FAM237A: variants seen among roughly 807,000 people sequenced by gnomAD.
FAM237A encodes the protein family with sequence similarity 237 member A.
In FAM237A, 14 loss-of-function variants were observed where a neutral mutation model predicts 12.5. The ratio of observed to expected loss-of-function variants is 1.12; its 90% CI spans 0.74 to 1.75. FAM237A has a LOEUF of 1.75. Ranked by LOEUF, FAM237A falls within the 40% of genes most tolerant of loss-of-function variation. The pLI, the probability that FAM237A is intolerant of heterozygous loss-of-function variation, is 0.00. For missense variants in FAM237A, 240 were observed against 211.7 expected (o/e 1.13, Z -0.83); for synonymous variants, 85 against 77.5 (o/e 1.10, Z -0.51).
In FAM237A at chr2:206,649,251, T is replaced by C. The variant is rs1268875583; in HGVS notation, c.*457T>C. ...CTGACAATCTATGATATCTGAATCT[T>C]GTTTGACAGCATATTTTTGAATACT... On this transcript the variant is annotated 3_prime_UTR_variant, in exon 3 of 3. Coordinates refer to ENST00000441223, the MANE Select transcript of FAM237A (RefSeq NM_001102659.3). Among the ~76,000 whole-genome samples the C allele has an allele frequency of 6.6e-6, 1 of 152,184 alleles. No individual in the cohort carries two copies. The highest frequency in any genetic ancestry group is 1.5e-5 in the Non-Finnish European group (1 of 68,006).
At chr2:206,648,601 T>C in intron 2 of FAM237A, 60 bp from the exon 3 acceptor site, 1 of 1,481,526 alleles carries the variant, frequency 6.7e-7, no homozygotes, top group Non-Finnish European at 9.0e-7. Context: ...AATTTATTGA[T>C]ATTTAATTAA....
chr2:206,644,235 C>A lies in FAM237A; in HGVS notation c.-2C>A, dbSNP rs774742198. ...ATTTCCATCCTGTGCAGTTTTAGGG[C>A]CATGGCTGATCCTGGGAACAGAGGA... On this transcript the variant is annotated 5_prime_UTR_variant, in exon 2 of 3. Coordinates refer to ENST00000441223, the MANE Select transcript of FAM237A (RefSeq NM_001102659.3). The A allele has an allele frequency of 1.9e-6, 3 of 1,592,712 alleles. No individual in the cohort carries two copies. The highest frequency in any genetic ancestry group is 2.6e-6 in the Non-Finnish European group (3 of 1,169,396).
rs775865167 is a variant in FAM237A, at chr2:206,649,085, T to C, written c.*291T>C. ...AGGATTCTTTGTATTCATTTAATAGTTCATTTTGGGATGCTTGACATGTTA... is the reference window on the plus strand; with the variant it reads ...AGGATTCTTTGTATTCATTTAATAGCTCATTTTGGGATGCTTGACATGTTA... On this transcript the variant is annotated 3_prime_UTR_variant, in exon 3 of 3. Coordinates refer to ENST00000441223, the MANE Select transcript of FAM237A (RefSeq NM_001102659.3). The C allele has an allele frequency of 1.1e-4, 19 of 166,910 alleles. No individual in the cohort carries two copies. Among genetic ancestry groups the C allele is most frequent in the Non-Finnish European group, 1.9e-4 (15 of 78,480 alleles). 10.3% of individuals were successfully genotyped at this position (166,910 alleles called of 1,614,324 possible).
In FAM237A at chr2:206,642,800, G is replaced by T. The variant is rs960750154; in HGVS notation, c.-11+218G>T. Among the ~76,000 whole-genome samples the T allele has an allele frequency of 3.3e-5, 5 of 152,224 alleles. No homozygotes were observed. Among genetic ancestry groups the T allele is most frequent in the African/African-American group, 1.2e-4 (5 of 41,460 alleles). ...ACCTAAAGGAGCCAATTTGAGCGCC[G>T]TGGCGCCAGCAGACAGGGAGTCCCG... On this transcript the variant is annotated intron_variant, in intron 1 of 2. Coordinates refer to ENST00000441223, the MANE Select transcript of FAM237A (RefSeq NM_001102659.3). This position sits in a 1 kb window ranked among gnomAD's most constrained non-coding sequence, Gnocchi z 5.1.
Position 206,648,758 on chromosome 2 carries a change from C to A in FAM237A, c.510C>A (p.Val170=). The A allele has an allele frequency of 6.5e-7, 1 of 1,546,370 alleles. No homozygotes were observed. Among genetic ancestry groups the A allele is most frequent in the South Asian group, 1.2e-5 (1 of 81,262 alleles). The change falls in exon 3 of 3, where the codon GTC becomes GTA. Residue 170 remains valine (V), a synonymous_variant. Transcript: ENST00000441223. The stretch of plus-strand genomic sequence containing the variant: ...ATGTGCGTAGGAGTGGGTCTAGTGT[C>A]ATTGGAAAAGTGAACCTGGAAATAA... The part of the protein sequence containing the change: ...SMHVRRSGSS[V]IGKVNLEIKR...
intron 2 of FAM237A, among the ~76,000 whole-genome samples, chr2:206,645,172 G>C (rs186043113): frequency 6.6e-6 from 1 of 152,180 alleles, no homozygotes; most frequent in Middle Eastern, 3.2e-3. Context: ...GAGTAAAAAA[G>C]TCAGCTGGCA....
Position 206,646,261 on chromosome 2 carries a change from C to T in FAM237A, c.412+1613C>T, listed in dbSNP as rs182666038. 7.1e-3 allele frequency among the ~76,000 whole-genome samples: 1,060 copies of T among 150,236 alleles called. 6 individuals carry two copies. The highest frequency in any genetic ancestry group is 0.013 in the Non-Finnish European group (860 of 67,002). On this transcript the variant is annotated intron_variant, in intron 2 of 2. Coordinates refer to ENST00000441223, the MANE Select transcript of FAM237A (RefSeq NM_001102659.3). ...GAGCTTGCAGTGAGCCGAGATCGCA[C>T]CACTGCACTCCAGACTGGGTGACAG...
intron 2 of FAM237A, among the ~76,000 whole-genome samples, chr2:206,646,230 G>C (rs1699315714): frequency 4.0e-5 from 6 of 151,874 alleles, no homozygotes. Context: ...GTGAACCCGG[G>C]AGGCGGAGCT....
intron 1 of FAM237A, 69 bp from the exon 2 acceptor site, chr2:206,644,158 G>A (rs931444571): frequency 1.5e-6 from 2 of 1,343,716 alleles, no homozygotes; most frequent in East Asian, 2.4e-5. Flanking sequence ...GTTATTAAGG[G>A]CATACTTATT....
At chr2:206,645,361 A>C (rs542465596) in intron 2 of FAM237A, among the ~76,000 whole-genome samples, 1 of 152,352 alleles carries the variant, frequency 6.6e-6, no homozygotes. Flanking sequence ...TCCCTTATAG[A>C]ATTAGAATGA....
intron 2 of FAM237A, 111 bp from the exon 3 acceptor site, chr2:206,648,550 A>T: frequency 3.8e-6 from 4 of 1,058,864 alleles, no homozygotes; most frequent in Non-Finnish European, 4.0e-6. Context: ...GAGAATTTTG[A>T]TATTGGAGTG....
intron 2 of FAM237A, among the ~76,000 whole-genome samples, chr2:206,647,851 AC>A (rs1350398097): frequency 6.6e-6 from 1 of 152,142 alleles, no homozygotes; most frequent in Non-Finnish European, 1.5e-5. Context: ...ACTGGGAGGG[AC>A]AAAAAGCCTG....
intron 2 of FAM237A, 33 bp downstream of exon 2, chr2:206,644,681 G>A (rs765440177): frequency 7.3e-6 from 11 of 1,507,548 alleles, no homozygotes; most frequent in African/African-American, 2.8e-5. Context: ...TCTTTTGAAA[G>A]GGTCAATCAA....
At chr2:206,646,412 A>G (rs893310525) in intron 2 of FAM237A, among the ~76,000 whole-genome samples, 1 of 152,198 alleles carries the variant, frequency 6.6e-6, no homozygotes, top group Non-Finnish European at 1.5e-5. Context: ...TAAATAAATG[A>G]AAATATTATT....
At chr2:206,648,236 C>A (rs973940088) in intron 2 of FAM237A, among the ~76,000 whole-genome samples, 2 of 152,138 alleles carry the variant, frequency 1.3e-5, no homozygotes, top group South Asian at 4.1e-4. Flanking sequence ...TGGAAACAAT[C>A]TAAATGTCCC....
intron 2 of FAM237A, among the ~76,000 whole-genome samples, chr2:206,645,046 A>T (rs1262259048): frequency 6.6e-6 from 1 of 152,238 alleles, no homozygotes; most frequent in Non-Finnish European, 1.5e-5. Context: ...AGACTTGAAT[A>T]TAAGCTTAGG....
chr2:206,645,779 G>C (rs567456394), intron 2 of FAM237A, among the ~76,000 whole-genome samples: 1 of 152,086 alleles, frequency 6.6e-6, no homozygotes, highest in African/African-American at 2.4e-5. Flanking sequence ...TATTATTTTG[G>C]TAAGTGTTAT....
intron 2 of FAM237A, among the ~76,000 whole-genome samples, chr2:206,645,874 T>C (rs1233333208): frequency 6.6e-6 from 1 of 152,210 alleles, no homozygotes; most frequent in East Asian, 1.9e-4. Flanking sequence ...TGAATATTTT[T>C]AAATGTTGGT....
chr2:206,648,496 G>A (rs1699345105), intron 2 of FAM237A, among the ~76,000 whole-genome samples, 165 bp from the exon 3 acceptor site: 1 of 152,124 alleles, frequency 6.6e-6, no homozygotes, highest in African/African-American at 2.4e-5. Flanking sequence ...ACAAGACTTT[G>A]CACAAATACA....
Sources: allele counts gnomAD v4.1 joint callset (sites outside exome capture counted in the v4.1 genomes callset), GRCh38; gene constraint gnomAD v4.1.1; non-coding constraint Gnocchi (gnomAD v3.1); transcripts MANE v1.5; gene names NCBI Gene and HGNC (gene_info 2026-07-23, HGNC 2026-07-21).